The following BBS9 variants were observed in gnomAD, a reference collection of about 807,000 sequenced individuals.
The protein encoded by BBS9 is protein PTHB1.
Under a neutral mutation model 117.7 loss-of-function variants are expected in BBS9, and 89 were observed. That is an observed-to-expected ratio of 0.76 (90% CI 0.64 to 0.90). The LOEUF (loss-of-function observed/expected upper bound fraction) is 0.90, where lower values mean the gene tolerates loss of function less well. Ranked by LOEUF, BBS9 falls within the 40% of genes least tolerant of loss-of-function variation. The probability of loss-of-function intolerance (pLI) is 0.00; values close to 1 mark genes in which losing one functional copy is unlikely to be tolerated. For missense variants in BBS9, 982 were observed against 1,042.2 expected (o/e 0.94, Z 0.80); for synonymous variants, 379 against 370.9 (o/e 1.02, Z -0.25).
chr7:33,455,545 A>T (rs568770765), intron 19 of BBS9, among the ~76,000 whole-genome samples: 2 of 152,186 alleles, frequency 1.3e-5, no homozygotes, highest in South Asian at 2.1e-4. Flanking sequence ...TTCATGTCCC[A>T]CTACTCAAGG....
At position 33,247,417 on chromosome 7, in the gene BBS9, A is replaced by G. The variant is rs12669011; in HGVS notation, c.443-9819A>G. Among the ~76,000 whole-genome samples the G allele has an allele frequency of 0.018, 2,749 of 152,110 alleles. 219 individuals carry two copies. In the East Asian group the frequency reaches 0.27, roughly 15 times the overall value. ...GGCTCTGCCATCAGTTCTGATGAAC[A>G]TGTCATCTTCATCACCAGTGTCTCT... On this transcript the variant is annotated intron_variant, in intron 5 of 22. Coordinates refer to ENST00000242067, the MANE Select transcript of BBS9 (RefSeq NM_198428.3).
chr7:33,350,964 G>T (rs888107151), intron 13 of BBS9, among the ~76,000 whole-genome samples: 1 of 152,178 alleles, frequency 6.6e-6, no homozygotes, highest in African/African-American at 2.4e-5. Flanking sequence ...AAAGTGTTGG[G>T]ATTACAGGCG....
At chr7:33,563,694 A>G (rs1856435211) in intron 21 of BBS9, among the ~76,000 whole-genome samples, 1 of 152,132 alleles carries the variant, frequency 6.6e-6, no homozygotes, top group Non-Finnish European at 1.5e-5. Flanking sequence ...GAATAACTCA[A>G]TCCTCTATTC....
chr7:33,528,641 G>T (rs375215273), intron 20 of BBS9, among the ~76,000 whole-genome samples: 2 of 151,986 alleles, frequency 1.3e-5, no homozygotes, highest in African/African-American at 4.8e-5. Context: ...TCAGAGTGCC[G>T]TACCACTTAT....
chr7:33,414,501 CCTGT>C (rs1293290289), intron 19 of BBS9, among the ~76,000 whole-genome samples: 2 of 152,092 alleles, frequency 1.3e-5, no homozygotes, highest in Non-Finnish European at 2.9e-5. Context: ...TGAACATTCT[CCTGT>C]CTCTTTGTGT....
intron 4 of BBS9, 61 bp downstream of exon 4, chr7:33,155,763 G>C (rs2128115153): frequency 1.1e-6 from 1 of 949,228 alleles, no homozygotes; most frequent in Admixed American, 1.8e-5. Flanking sequence ...TGTTATATGA[G>C]AATAGATATT....
chr7:33,208,958 A>G (rs777377406), intron 5 of BBS9, among the ~76,000 whole-genome samples: 2 of 152,202 alleles, frequency 1.3e-5, no homozygotes, highest in African/African-American at 2.4e-5. Context: ...AAACGATCCA[A>G]TTAGACTCTT....
intron 1 of BBS9, among the ~76,000 whole-genome samples, chr7:33,142,297 A>G (rs1791603128): frequency 6.6e-6 from 1 of 152,304 alleles, no homozygotes; most frequent in African/African-American, 2.4e-5. Context: ...TTTTTCTTTA[A>G]TGTAAGTTTA....
intron 21 of BBS9, among the ~76,000 whole-genome samples, chr7:33,613,491 G>C (rs572248777): frequency 2.3e-4 from 35 of 151,946 alleles, no homozygotes; most frequent in Non-Finnish European, 4.3e-4. Context: ...TGTACATCAG[G>C]ATTGCTTGGA....
chr7:33,189,304 C>T (rs993421666), intron 5 of BBS9, among the ~76,000 whole-genome samples: 1 of 152,070 alleles, frequency 6.6e-6, no homozygotes, highest in African/African-American at 2.4e-5. Context: ...TAGGCATGAG[C>T]CATTGTGCCT....
intron 2 of BBS9, among the ~76,000 whole-genome samples, chr7:33,148,220 A>G (rs1033027273): frequency 1.9e-4 from 29 of 152,158 alleles, no homozygotes; most frequent in Non-Finnish European, 8.8e-5. Context: ...GATGAACAAT[A>G]TGGTGTTTAT....
At chr7:33,340,309 G>C (rs1449538612) in intron 10 of BBS9, among the ~76,000 whole-genome samples, 1 of 152,112 alleles carries the variant, frequency 6.6e-6, no homozygotes, top group Non-Finnish European at 1.5e-5. Context: ...AAAGTTAATA[G>C]ATATATTTTG....
At chr7:33,337,260 A>G (rs1815576072) in intron 10 of BBS9, among the ~76,000 whole-genome samples, 1 of 152,136 alleles carries the variant, frequency 6.6e-6, no homozygotes, top group African/African-American at 2.4e-5. Context: ...CAAAACACCA[A>G]TCCTGCAGTT....
intron 5 of BBS9, among the ~76,000 whole-genome samples, chr7:33,225,455 T>C (rs2128245750): frequency 6.6e-6 from 1 of 152,306 alleles, no homozygotes; most frequent in East Asian, 1.9e-4. Context: ...TACCTTGGCC[T>C]CCCAAAGTGC....
chr7:33,367,445 AC>A (rs1172289694), intron 16 of BBS9, among the ~76,000 whole-genome samples: 25 of 152,108 alleles, frequency 1.6e-4, no homozygotes, highest in Admixed American at 1.6e-3. Flanking sequence ...TTTTCATAAA[AC>A]CCTACTGGCT....
At chr7:33,543,027 G>GA (rs1852652434) in intron 21 of BBS9, among the ~76,000 whole-genome samples, 1 of 152,048 alleles carries the variant, frequency 6.6e-6, no homozygotes, top group African/African-American at 2.4e-5. Flanking sequence ...GTTTTTTAAG[G>GA]AATCTCCACA....
intron 19 of BBS9, among the ~76,000 whole-genome samples, chr7:33,482,602 A>G (rs2128977419): frequency 6.6e-6 from 1 of 152,342 alleles, no homozygotes; most frequent in South Asian, 2.1e-4. Context: ...TCCCCTAATT[A>G]CTAATTTTAG....
At chr7:33,475,829 G>A (rs910043569) in intron 19 of BBS9, among the ~76,000 whole-genome samples, 4 of 152,164 alleles carry the variant, frequency 2.6e-5, no homozygotes, top group African/African-American at 9.7e-5. Context: ...GCAACCAGCA[G>A]TGTCTACTGA....
At chr7:33,454,507 C>T (rs1838346031) in intron 19 of BBS9, among the ~76,000 whole-genome samples, 1 of 152,226 alleles carries the variant, frequency 6.6e-6, no homozygotes, top group African/African-American at 2.4e-5. Flanking sequence ...TGTATTTTAT[C>T]ACTTGTCCAT....
Sources: gnomAD v4.1 joint callset for allele counts (sites outside exome capture counted in the v4.1 genomes callset) on GRCh38, gnomAD v4.1.1 for gene constraint, MANE v1.5 for transcripts, NCBI Gene and HGNC (gene_info 2026-07-23, HGNC 2026-07-21) for gene names.